PPP1R16B: variants seen among roughly 807,000 people sequenced by gnomAD.
The protein encoded by PPP1R16B is protein phosphatase 1 regulatory subunit 16B.
A neutral mutation model predicts 61.7 loss-of-function variants in PPP1R16B; 14 were observed. The observed-to-expected ratio is 0.23, with a 90% CI of 0.15 to 0.35. The LOEUF is 0.35. Among genes scored for constraint, PPP1R16B ranks in the 10% least tolerant of loss-of-function variants. The probability of loss-of-function intolerance (pLI) is 1.00; values close to 1 mark genes in which losing one functional copy is unlikely to be tolerated. For missense variants in PPP1R16B, 547 were observed against 752.5 expected (o/e 0.73, Z 3.19); for synonymous variants, 266 against 305.3 (o/e 0.87, Z 1.34).
At chr20:38,841,149 A>T (rs1376511776) in intron 2 of PPP1R16B, among the ~76,000 whole-genome samples, 4 of 151,944 alleles carry the variant, frequency 2.6e-5, no homozygotes, top group Non-Finnish European at 5.9e-5. Flanking sequence ...ACATATTATA[A>T]AATTTGCCCA....
At chr20:38,849,342 C>T (rs1456498654) in intron 2 of PPP1R16B, among the ~76,000 whole-genome samples, 3 of 152,114 alleles carry the variant, frequency 2.0e-5, no homozygotes, top group South Asian at 2.1e-4. Context: ...AGATCTGAGT[C>T]CTATCCAGAT....
intron 10 of PPP1R16B, among the ~76,000 whole-genome samples, chr20:38,910,224 A>G (rs1460809487): frequency 6.6e-6 from 1 of 152,066 alleles, no homozygotes; most frequent in Non-Finnish European, 1.5e-5. Context: ...AGCAATCCTT[A>G]CCCACTTGGA....
chr20:38,855,982 A>AGGAGGAGGAGGAGGAGGAGGAGGAGG (rs1449393855), intron 2 of PPP1R16B, among the ~76,000 whole-genome samples: 2 of 41,576 alleles, frequency 4.8e-5, no homozygotes, highest in African/African-American at 3.0e-4. Flanking sequence ...AGAGAGAGAG[A>AGGAGGAGGAGGAGGAGGAGGAGGAGG]AGGAGGAGGA....
intron 4 of PPP1R16B, among the ~76,000 whole-genome samples, chr20:38,900,037 G>T (rs941746003): frequency 1.3e-5 from 2 of 152,016 alleles, no homozygotes; most frequent in African/African-American, 2.4e-5. Context: ...CAGGTGATCC[G>T]CCCGCCTCGC....
At chr20:38,912,940 G>A (rs562458974) in intron 10 of PPP1R16B, among the ~76,000 whole-genome samples, 10 of 152,176 alleles carry the variant, frequency 6.6e-5, no homozygotes, top group Non-Finnish European at 1.5e-4. Context: ...CGCAAACTTC[G>A]TTCACTATAG....
At chr20:38,862,615 T>C (rs1399666825) in intron 2 of PPP1R16B, among the ~76,000 whole-genome samples, 1 of 152,126 alleles carries the variant, frequency 6.6e-6, no homozygotes, top group South Asian at 2.1e-4. Flanking sequence ...CCTGACGTAA[T>C]GGATGGGCCT....
intron 1 of PPP1R16B, among the ~76,000 whole-genome samples, chr20:38,827,053 G>A (rs1305098680): frequency 6.6e-6 from 1 of 152,064 alleles, no homozygotes; most frequent in Non-Finnish European, 1.5e-5. Flanking sequence ...GGGCTCAAGT[G>A]ATCCTCCCAC....
chr20:38,876,915 AG>A (rs1229104561), intron 2 of PPP1R16B, among the ~76,000 whole-genome samples: 3 of 152,222 alleles, frequency 2.0e-5, no homozygotes, highest in Admixed American at 6.5e-5. Flanking sequence ...GATAAATCAT[AG>A]CTACTGTATT....
chr20:38,868,300 A>G (rs2085103534), intron 2 of PPP1R16B, among the ~76,000 whole-genome samples: 1 of 152,014 alleles, frequency 6.6e-6, no homozygotes, highest in Non-Finnish European at 1.5e-5. Context: ...ATGCCTTTTT[A>G]CTTTGAGATA....
intron 2 of PPP1R16B, among the ~76,000 whole-genome samples, chr20:38,846,019 C>G (rs538850142): frequency 6.6e-6 from 1 of 152,238 alleles, no homozygotes; most frequent in South Asian, 2.1e-4. Flanking sequence ...AGAGGAGGGA[C>G]TCAGTGATGG....
rs1293814608 is a variant in PPP1R16B at position 38,855,943 on chromosome 20, T to TAGAGAGAGAGAGAG, written c.250+19794_250+19807dup. ...ATATATATATATATATATATATATA[T>TAGAGAGAGAGAGAG]AGAGAGAGAGAGAGAGAGAGAGAGA... On this transcript the variant is annotated intron_variant, in intron 2 of 10. Transcript: ENST00000299824. 6.6e-4 allele frequency among the ~76,000 whole-genome samples: 10 copies of TAGAGAGAGAGAGAG among 15,058 alleles called. 2 individuals are homozygous for TAGAGAGAGAGAGAG. Among genetic ancestry groups the TAGAGAGAGAGAGAG allele is most frequent in the Admixed American group, 9.3e-4 (1 of 1,076 alleles). The allele number at this position is 15,058 out of a possible 152,430, so 9.9% of individuals were successfully genotyped here.
chr20:38,812,347 C>T (rs941715391), intron 1 of PPP1R16B, among the ~76,000 whole-genome samples: 3 of 152,180 alleles, frequency 2.0e-5, no homozygotes, highest in Non-Finnish European at 2.9e-5. Context: ...TTGTCAGCTT[C>T]CTGTTTTGTC....
Position 38,900,691 on chromosome 20 carries a change from G to A in PPP1R16B, c.571+7G>A. The A allele has an allele frequency of 1.3e-6, 2 of 1,568,254 alleles. No individual in the cohort carries two copies. The highest frequency in any genetic ancestry group is 1.4e-5 in the African/African-American group (1 of 72,458). On this transcript the variant is annotated splice_region_variant and intron_variant, in intron 5 of 10. Coordinates refer to ENST00000299824, the MANE Select transcript of PPP1R16B (RefSeq NM_015568.4). ...ACCTGCATGGCATACCAGGGTAAGG[G>A]AGGGCAGCCTGCTATGAAGTGAGCA...
rs926390171 is a variant in PPP1R16B at position 38,807,363 on chromosome 20, G to A, written c.-102+1571G>A. On this transcript the variant is annotated intron_variant, in intron 1 of 10. Coordinates refer to ENST00000299824, the MANE Select transcript of PPP1R16B (RefSeq NM_015568.4). ...CAGGCTGTGGGGAGATGAGGGAGAG[G>A]CTGGGTGCAGCAGAGCGGGAGGATG... 3.9e-5 allele frequency among the ~76,000 whole-genome samples: 6 copies of A among 152,210 alleles called. No homozygotes were observed. In the East Asian group the frequency reaches 9.6e-4, roughly 24 times the overall value.
At chr20:38,843,047 A>G (rs2084918679) in intron 2 of PPP1R16B, among the ~76,000 whole-genome samples, 1 of 152,156 alleles carries the variant, frequency 6.6e-6, no homozygotes, top group Admixed American at 6.5e-5. Context: ...GCAGTTTGTA[A>G]AGGGTTTAGG....
At chr20:38,895,946 TCCCTCCCTCCTTTCTTCTTTCTTC>T (rs2145767341) in intron 4 of PPP1R16B, among the ~76,000 whole-genome samples, 6 of 84,198 alleles carry the variant, frequency 7.1e-5, no homozygotes, top group South Asian at 1.1e-3. Flanking sequence ...CTTTCTTCCC[TCCCTCCCTCCTTTCTTCTTTCTTC>T]CCTCCCTCCC....
intron 2 of PPP1R16B, among the ~76,000 whole-genome samples, chr20:38,883,276 C>T (rs889419587): frequency 2.6e-5 from 4 of 152,220 alleles, no homozygotes; most frequent in Non-Finnish European, 4.4e-5. Context: ...CGCCTATGGT[C>T]GCATGTTGCT....
At chr20:38,877,798 CCTT>C (rs2085178097) in intron 2 of PPP1R16B, among the ~76,000 whole-genome samples, 1 of 152,122 alleles carries the variant, frequency 6.6e-6, no homozygotes, top group African/African-American at 2.4e-5. Context: ...TTGATTACCT[CCTT>C]ATTTGCTCAG....
chr20:38,866,240 G>A (rs965969434), intron 2 of PPP1R16B, among the ~76,000 whole-genome samples: 15 of 152,210 alleles, frequency 9.9e-5, no homozygotes, highest in African/African-American at 3.6e-4. Context: ...CTGGGGAACA[G>A]AATAGCTCCT....
Sources: allele counts gnomAD v4.1 joint callset (sites outside exome capture counted in the v4.1 genomes callset), GRCh38; gene constraint gnomAD v4.1.1; transcripts MANE v1.5; gene names NCBI Gene and HGNC (gene_info 2026-07-23, HGNC 2026-07-21).